COPE: variants seen among roughly 807,000 people sequenced by gnomAD.
COPE encodes the protein coatomer subunit epsilon.
COPE carries 19 observed loss-of-function variants against 42.1 expected under a neutral mutation model. The ratio of observed to expected loss-of-function variants is 0.45; its 90% confidence interval spans 0.31 to 0.66. The LOEUF is 0.66. COPE is among the 30% of genes least tolerant of loss of function. COPE has a pLI of 0.05. For missense variants in COPE, 402 were observed against 416.1 expected, an observed-to-expected ratio of 0.97 and a Z score of 0.30; for synonymous variants, 195 against 181.3, an observed-to-expected ratio of 1.08 and a Z score of -0.60.
intron 2 of COPE, 48 bp downstream of exon 2, chr19:18,912,936 C>T (rs2056823412): frequency 6.3e-7 from 1 of 1,594,302 alleles, no homozygotes. Flanking sequence ...CCAGCCCCAC[C>T]CTCTACTCTG....
intron 3 of COPE, among the ~76,000 whole-genome samples, chr19:18,908,609 C>T (rs951403471): frequency 9.3e-5 from 14 of 150,688 alleles, no homozygotes; most frequent in Admixed American, 2.6e-4. Context: ...CTCCGCCTCC[C>T]GGGTTCATGC....
intron 6 of COPE, among the ~76,000 whole-genome samples, chr19:18,904,250 C>T (rs1174495454): frequency 1.3e-5 from 2 of 152,268 alleles, no homozygotes; most frequent in African/African-American, 2.4e-5. Context: ...CAGGCGTGAG[C>T]CACTGCGACC....
chr19:18,908,153 C>T (rs74254003), intron 3 of COPE, among the ~76,000 whole-genome samples: 9,091 of 152,196 alleles, frequency 0.06, 361 homozygotes, highest in Middle Eastern at 0.11. Context: ...CCAATGGGGC[C>T]GGGTACTGTG....
chr19:18,900,267 A>T, intron 8 of COPE, 114 bp downstream of exon 8: 1 of 856,364 alleles, frequency 1.2e-6, no homozygotes, highest in South Asian at 1.8e-5. Flanking sequence ...GGGCTGCGGT[A>T]GGCATACTGT....
chr19:18,901,655 G>C (rs552292121), intron 7 of COPE, among the ~76,000 whole-genome samples: 2 of 152,218 alleles, frequency 1.3e-5, no homozygotes, highest in Admixed American at 1.3e-4. Context: ...TCAGCTGGGC[G>C]CACTGGCGCA....
At chr19:18,910,231 G>C (rs1309738906) in intron 3 of COPE, among the ~76,000 whole-genome samples, 1 of 152,216 alleles carries the variant, frequency 6.6e-6, no homozygotes, top group Non-Finnish European at 1.5e-5. Flanking sequence ...ACGCTGGCCT[G>C]TGGCTCAGGG....
intron 1 of COPE, 106 bp from the exon 2 acceptor site, chr19:18,913,152 T>A: frequency 1.0e-6 from 1 of 994,240 alleles, no homozygotes; most frequent in Non-Finnish European, 1.6e-6. Flanking sequence ...AGGTGGCTTC[T>A]CCGGCAGGGT....
chr19:18,906,854 T>A, intron 4 of COPE, 106 bp downstream of exon 4: 2 of 1,334,160 alleles, frequency 1.5e-6, no homozygotes, highest in Non-Finnish European at 2.0e-6. Context: ...CAGCACCACC[T>A]TTCTCTGCTC....
intron 1 of COPE, among the ~76,000 whole-genome samples, chr19:18,913,468 G>C (rs1439546421): frequency 6.6e-6 from 1 of 152,226 alleles, no homozygotes; most frequent in Non-Finnish European, 1.5e-5. Flanking sequence ...GAGACCCTGG[G>C]AATGGCTCTG....
chr19:18,919,090 A>C (rs902989555), intron 1 of COPE, 133 bp downstream of exon 1: 1 of 848,914 alleles, frequency 1.2e-6, no homozygotes, highest in African/African-American at 1.7e-5. Flanking sequence ...CTCCTCACTG[A>C]ACTGTGGAAG....
intron 6 of COPE, among the ~76,000 whole-genome samples, 190 bp from the exon 7 acceptor site, chr19:18,903,613 G>A (rs573748130): frequency 4.6e-5 from 7 of 152,260 alleles, no homozygotes; most frequent in East Asian, 1.9e-4. Flanking sequence ...CTAAAGACTC[G>A]TGGCCGCCTC....
chr19:18,916,792 A>G (rs2056857098), intron 1 of COPE, among the ~76,000 whole-genome samples: 1 of 149,786 alleles, frequency 6.7e-6, no homozygotes, highest in South Asian at 2.1e-4. Flanking sequence ...CATCTCAAAA[A>G]CAAAAAAACA....
chr19:18,905,046 G>A (rs545324646), intron 5 of COPE, among the ~76,000 whole-genome samples, 194 bp from the exon 6 acceptor site: 10 of 152,130 alleles, frequency 6.6e-5, no homozygotes, highest in Non-Finnish European at 1.5e-4. Context: ...CTGGGAAGGT[G>A]GGACTGGGGC....
At chr19:18,915,222 A>G (rs867989140) in intron 1 of COPE, among the ~76,000 whole-genome samples, 4 of 149,150 alleles carry the variant, frequency 2.7e-5, no homozygotes, top group Non-Finnish European at 4.4e-5. Flanking sequence ...ATCTTTAGGG[A>G]AAAAAAAGAG....
At position 18,899,741 on chromosome 19, in the gene COPE, A is replaced by G; in HGVS notation, c.880-15T>C. On this transcript the variant is annotated splice_polypyrimidine_tract_variant and intron_variant, in intron 9 of 9. Transcript: ENST00000262812. Reference sequence around the variant, plus strand: ...AAGTCGTTCTCCTTTAGCAAGACACATGGCAACACAGGGTGGGGGCAGGGT... The same window carrying G: ...AAGTCGTTCTCCTTTAGCAAGACACGTGGCAACACAGGGTGGGGGCAGGGT... 1 of 1,613,724 alleles carries G rather than the reference A, an allele frequency of 6.2e-7. No homozygotes were observed. The highest frequency in any genetic ancestry group is 8.5e-7 in the Non-Finnish European group (1 of 1,179,940).
chr19:18,915,837 G>C (rs2056849524), intron 1 of COPE, among the ~76,000 whole-genome samples: 1 of 152,206 alleles, frequency 6.6e-6, no homozygotes, highest in Admixed American at 6.5e-5. Flanking sequence ...CAGCTGGGCG[G>C]TGCCTGCCAT....
Position 18,904,768 on chromosome 19 carries a change from C to T in COPE, c.579+3G>A. 1.9e-6 allele frequency: 3 copies of T among 1,551,700 alleles called. No individual in the cohort carries two copies. The East Asian group carries it at 7.3e-5, about 38-fold the overall frequency. The stretch of plus-strand genomic sequence containing the variant: ...CCCACCCACCTCATGGCCTAGGGCT[C>T]ACCGTGGCCAGGCTGACCCAGGCAG... On this transcript the variant is annotated splice_donor_region_variant and intron_variant, in intron 6 of 9. Coordinates refer to ENST00000262812, the MANE Select transcript of COPE (RefSeq NM_007263.4).
chr19:18,917,240 T>C (rs1568324276), intron 1 of COPE, among the ~76,000 whole-genome samples: 3 of 131,884 alleles, frequency 2.3e-5, no homozygotes, highest in African/African-American at 8.0e-5. Flanking sequence ...ATTCTTTTTT[T>C]CTTTTTTTTT....
At chr19:18,906,162 G>C (rs1027390748) in intron 4 of COPE, 8 of 395,602 alleles carry the variant, frequency 2.0e-5, no homozygotes, top group African/African-American at 1.2e-4. Context: ...GAGTCGGCCG[G>C]CTCGCCGACA....
Sources: allele counts gnomAD v4.1 joint callset (sites outside exome capture counted in the v4.1 genomes callset), GRCh38; gene constraint gnomAD v4.1.1; transcripts MANE v1.5; gene names NCBI Gene and HGNC (gene_info 2026-07-23, HGNC 2026-07-21).